The following ALK variants were observed in gnomAD, a reference collection of about 807,000 sequenced individuals.
ALK encodes the protein ALK tyrosine kinase receptor.
In ALK, 74 loss-of-function variants were observed where a neutral mutation model predicts 163.1. That is an observed-to-expected ratio of 0.45 (90% CI 0.38 to 0.55). The LOEUF (loss-of-function observed/expected upper bound fraction) is 0.55, where lower values mean the gene tolerates loss of function less well. Ranked by LOEUF, ALK falls within the 20% of genes least tolerant of loss-of-function variation. The pLI, the probability that ALK is intolerant of heterozygous loss-of-function variation, is 0.00. For missense variants in ALK, 2,063 were observed against 2,105.3 expected (o/e 0.98, Z 0.39); for synonymous variants, 960 against 843.2 (o/e 1.14, Z -2.40).
chr2:29,694,720 A>G lies in ALK; in HGVS notation c.952+130T>C, dbSNP rs903534201. 4 of 1,250,652 alleles carry G rather than the reference A, an allele frequency of 3.2e-6. No homozygotes were observed. In the Admixed American group the frequency reaches 6.8e-5, roughly 21 times the overall value. 77.5% of individuals were successfully genotyped at this position (1,250,652 alleles called of 1,614,324 possible). Reference sequence around the variant, plus strand: ...ATGGCCCAAGAAGCCATGGAAAGTCACAGATATTAAAAGCAGGTTTCAAAG... The same window carrying G: ...ATGGCCCAAGAAGCCATGGAAAGTCGCAGATATTAAAAGCAGGTTTCAAAG... On this transcript the variant is annotated intron_variant, in intron 3 of 28. Coordinates refer to ENST00000389048, the MANE Select transcript of ALK (RefSeq NM_004304.5).
chr2:29,623,410 A>T (rs185306312), intron 3 of ALK, among the ~76,000 whole-genome samples: 17 of 152,382 alleles, frequency 1.1e-4, no homozygotes, highest in Admixed American at 4.6e-4. Context: ...GAAAAGAATT[A>T]TGATAAAACA....
intron 4 of ALK, among the ~76,000 whole-genome samples, chr2:29,455,383 G>A (rs1224737778): frequency 1.3e-5 from 2 of 152,194 alleles, no homozygotes; most frequent in African/African-American, 2.4e-5. Flanking sequence ...GAGCAGCAAG[G>A]TGGGGCCTGT....
intron 1 of ALK, among the ~76,000 whole-genome samples, chr2:29,875,890 T>C (rs1008719784): frequency 3.9e-5 from 6 of 152,256 alleles, no homozygotes; most frequent in South Asian, 2.1e-4. Flanking sequence ...GCAAGAAACA[T>C]ACATGTACAT....
At chr2:29,269,909 T>C (rs1428605853) in intron 11 of ALK, among the ~76,000 whole-genome samples, 1 of 152,224 alleles carries the variant, frequency 6.6e-6, no homozygotes, top group African/African-American at 2.4e-5. Flanking sequence ...CTTTCTTACA[T>C]GTGCGTGGGA....
intron 4 of ALK, among the ~76,000 whole-genome samples, chr2:29,457,939 G>A (rs1219347085): frequency 6.6e-6 from 1 of 152,068 alleles, no homozygotes; most frequent in East Asian, 1.9e-4. Context: ...CATCTTGAAA[G>A]TACTATCATC....
intron 4 of ALK, among the ~76,000 whole-genome samples, chr2:29,486,773 C>T (rs947285474): frequency 6.6e-6 from 1 of 151,958 alleles, no homozygotes; most frequent in Non-Finnish European, 1.5e-5. Flanking sequence ...TGTGGTTACC[C>T]CAAATTATAT....
chr2:29,198,906 A>G (rs551843056), intron 26 of ALK, among the ~76,000 whole-genome samples: 8 of 151,482 alleles, frequency 5.3e-5, no homozygotes, highest in African/African-American at 1.9e-4. Context: ...CACTCTTTAT[A>G]TGTCAGAGAT....
Position 29,869,108 on chromosome 2 carries a change from A to G in ALK, c.667+50885T>C, listed in dbSNP as rs555047847. Among the ~76,000 whole-genome samples the G allele has an allele frequency of 1.4e-4, 21 of 152,326 alleles. No homozygotes were observed. The South Asian group carries it at 4.4e-3, about 32-fold the overall frequency. ...CTGAGTCTTCCTCAGACTCTGTGGAACAGAAACAAGACATTTTCACTGTAC... is the reference window on the plus strand; with the variant it reads ...CTGAGTCTTCCTCAGACTCTGTGGAGCAGAAACAAGACATTTTCACTGTAC... On this transcript the variant is annotated intron_variant, in intron 1 of 28. Transcript: ENST00000389048.
chr2:29,788,135 A>G (rs1300957316), intron 1 of ALK, among the ~76,000 whole-genome samples: 3 of 152,236 alleles, frequency 2.0e-5, no homozygotes, highest in Admixed American at 6.5e-5. Context: ...TAAGGACAAC[A>G]AACGAACTTG....
At chr2:29,718,573 A>G (rs1186599020) in intron 1 of ALK, among the ~76,000 whole-genome samples, 1 of 152,242 alleles carries the variant, frequency 6.6e-6, no homozygotes, top group East Asian at 1.9e-4. Context: ...GGAGGGAAGG[A>G]AGGAAATTAG....
intron 4 of ALK, among the ~76,000 whole-genome samples, chr2:29,385,496 C>T (rs550905906): frequency 1.3e-5 from 2 of 151,192 alleles, no homozygotes; most frequent in African/African-American, 4.9e-5. Flanking sequence ...TTTAGGTGAT[C>T]CTCCTACCTC....
At chr2:29,571,467 C>G (rs1295889020) in intron 3 of ALK, among the ~76,000 whole-genome samples, 2 of 152,122 alleles carry the variant, frequency 1.3e-5, no homozygotes, top group African/African-American at 4.8e-5. Flanking sequence ...ATTTCCCCTG[C>G]TATTGTGAAG....
At chr2:29,428,240 A>T (rs1412845493) in intron 4 of ALK, among the ~76,000 whole-genome samples, 1 of 152,046 alleles carries the variant, frequency 6.6e-6, no homozygotes, top group African/African-American at 2.4e-5. Context: ...AGAGCAAACT[A>T]AAACATGCAG....
intron 1 of ALK, among the ~76,000 whole-genome samples, chr2:29,831,109 A>AG (rs1558508740): frequency 3.8e-4 from 17 of 44,298 alleles, no homozygotes; most frequent in African/African-American, 1.3e-3. Flanking sequence ...GAGGAGGAGG[A>AG]GAAGAAGAAG....
intron 4 of ALK, among the ~76,000 whole-genome samples, chr2:29,438,107 T>G (rs1670450071): frequency 6.6e-6 from 1 of 151,446 alleles, no homozygotes; most frequent in Non-Finnish European, 1.5e-5. Flanking sequence ...GTTCCACTAG[T>G]GTCTGCCATC....
In ALK at chr2:29,617,395, T is replaced by C. The variant is rs556611523; in HGVS notation, c.952+77455A>G. On this transcript the variant is annotated intron_variant, in intron 3 of 28. Coordinates refer to ENST00000389048, the MANE Select transcript of ALK (RefSeq NM_004304.5). ...CCTGAAATCAAATCCACATCTCCCA[T>C]CTGATCATCTGTAGGCCCTCGACAA... 2.6e-5 allele frequency among the ~76,000 whole-genome samples: 4 copies of C among 152,302 alleles called. No individual in the cohort carries two copies. In the South Asian group the frequency reaches 8.3e-4, roughly 32 times the overall value.
At chr2:29,686,269 T>G (rs1678238152) in intron 3 of ALK, among the ~76,000 whole-genome samples, 1 of 152,188 alleles carries the variant, frequency 6.6e-6, no homozygotes, top group African/African-American at 2.4e-5. Context: ...CAGGAGTTCC[T>G]CTTTCCTTCC....
In ALK at chr2:29,246,788, A is replaced by C. The variant is rs6712691; in HGVS notation, c.2204+4317T>G. ...CTGTCCTGGCTCAGTCCTTTTGACC[A>C]TGGCCTGAGTGACAGTGACTCCCTT... is the stretch of plus-strand genomic sequence containing the variant. On this transcript the variant is annotated intron_variant, in intron 12 of 28. Coordinates refer to ENST00000389048, the MANE Select transcript of ALK (RefSeq NM_004304.5). This position sits in a 1 kb window ranked among gnomAD's most constrained non-coding sequence, Gnocchi z 4.3. 0.15 allele frequency among the ~76,000 whole-genome samples: 22,808 copies of C among 152,042 alleles called. 2,820 individuals carry two copies. The highest frequency in any genetic ancestry group is 0.34 in the African/African-American group (14,244 of 41,428).
At position 29,863,063 on chromosome 2, in the gene ALK, C is replaced by T. The variant is rs75413210; in HGVS notation, c.667+56930G>A. Among the ~76,000 whole-genome samples the T allele has an allele frequency of 6.9e-3, 1,053 of 152,162 alleles. 11 individuals are homozygous for T. The highest frequency in any genetic ancestry group is 0.023 in the African/African-American group (961 of 41,536). ...GCATTGGGAAAACTGGGTATCCATA[C>T]GCAGAAGAATAAATTGGATCTTTAT... On this transcript the variant is annotated intron_variant, in intron 1 of 28. Coordinates refer to ENST00000389048, the MANE Select transcript of ALK (RefSeq NM_004304.5).
Sources: gnomAD v4.1 joint callset for allele counts (sites outside exome capture counted in the v4.1 genomes callset) on GRCh38, gnomAD v4.1.1 for gene constraint, Gnocchi (gnomAD v3.1) non-coding constraint, MANE v1.5 for transcripts, NCBI Gene and HGNC (gene_info 2026-07-23, HGNC 2026-07-21) for gene names.